RPAIN: variants seen among roughly 807,000 people sequenced by gnomAD.
RPAIN encodes the protein RPA-interacting protein.
In RPAIN, 29 loss-of-function variants were observed where a neutral mutation model predicts 30.5. The ratio of observed to expected loss-of-function variants is 0.95; its 90% confidence interval spans 0.71 to 1.30. The LOEUF (loss-of-function observed/expected upper bound fraction) is 1.30, where lower values mean the gene tolerates loss of function less well. Among genes scored for constraint, RPAIN ranks in the 50% most tolerant of loss-of-function variants. The pLI is 0.00. For missense variants in RPAIN, 247 were observed against 264.7 expected (o/e 0.93, Z 0.46); for synonymous variants, 101 against 93.5 (o/e 1.08, Z -0.46).
intron 3 of RPAIN, 152 bp downstream of exon 3, chr17:5,422,981 G>A (rs1321594730): frequency 3.3e-6 from 2 of 603,822 alleles, no homozygotes; most frequent in African/African-American, 1.9e-5. Context: ...CATCTTGGCT[G>A]TCTAGCTTCT....
At chr17:5,428,694 C>G in intron 6 of RPAIN, 2 of 961,204 alleles carry the variant, frequency 2.1e-6, no homozygotes, top group Non-Finnish European at 2.6e-6. Flanking sequence ...GGTAAGGGAA[C>G]CACCTGTCTT....
At chr17:5,432,476 C>G in intron 6 of RPAIN, 66 bp from the exon 7 acceptor site, 1 of 1,450,360 alleles carries the variant, frequency 6.9e-7, no homozygotes, top group Non-Finnish European at 9.7e-7. Context: ...TTGATTACAA[C>G]TTTTATCAGA....
intron 5 of RPAIN, 165 bp downstream of exon 5, chr17:5,426,464 A>G: frequency 1.5e-6 from 1 of 675,930 alleles, no homozygotes; most frequent in Admixed American, 2.2e-5. Flanking sequence ...GAGAATATCT[A>G]TGGCATGAAA....
chr17:5,426,602 A>G (rs1915416357), intron 5 of RPAIN: 1 of 285,854 alleles, frequency 3.5e-6, no homozygotes, highest in Non-Finnish European at 6.6e-6. Flanking sequence ...TTTTCTATAT[A>G]TGAAGACATA....
intron 6 of RPAIN, chr17:5,429,249 G>A (rs1249809067): frequency 1.0e-6 from 1 of 985,070 alleles, no homozygotes; most frequent in Non-Finnish European, 1.2e-6. Context: ...CATTTAACTT[G>A]GCCTTGAAGC....
rs1050390 is a variant in RPAIN, at chr17:5,432,738, G to A, written c.*167G>A. The stretch of plus-strand genomic sequence containing the variant: ...ACATCTGTTCTTGGTCTTTTGTGAC[G>A]CAGGTTGAAGGGGGAGGAATAGAAA... On this transcript the variant is annotated 3_prime_UTR_variant, in exon 7 of 7. Transcript: ENST00000381209. 0.26 allele frequency: 204,830 copies of A among 781,662 alleles called. 35,346 individuals carry two copies. Among genetic ancestry groups the A allele is most frequent in the East Asian group, 0.79 (29,266 of 36,862 alleles). The allele number at this position is 781,662 out of a possible 1,614,324, so 48.4% of individuals were successfully genotyped here. A position where few individuals can be genotyped will look rare whatever the true frequency, so the allele number is the denominator to read the frequency against.
At chr17:5,421,035 G>T (rs904392828) in intron 1 of RPAIN, among the ~76,000 whole-genome samples, 2 of 152,188 alleles carry the variant, frequency 1.3e-5, no homozygotes, top group African/African-American at 4.8e-5. Context: ...TAGGACATTG[G>T]ATGCTGAGAT....
chr17:5,422,704 A>AT, intron 2 of RPAIN, 65 bp from the exon 3 acceptor site: 1 of 1,476,550 alleles, frequency 6.8e-7, no homozygotes, highest in East Asian at 2.3e-5. Flanking sequence ...CCAAGTATGA[A>AT]TCACTGTGGG....
intron 3 of RPAIN, chr17:5,425,632 G>A (rs1380704304): frequency 3.0e-5 from 11 of 363,576 alleles, no homozygotes; most frequent in South Asian, 2.1e-4. Flanking sequence ...CACCGTGCCC[G>A]GCCAGCAATC....
intron 5 of RPAIN, chr17:5,427,786 G>A (rs1207058809): frequency 4.5e-6 from 2 of 445,244 alleles, no homozygotes; most frequent in Non-Finnish European, 4.1e-6. Context: ...AGAGGCAGAG[G>A]GAGGCTGGAA....
intron 5 of RPAIN, 148 bp from the exon 6 acceptor site, chr17:5,427,923 A>G: frequency 1.4e-6 from 1 of 736,022 alleles, no homozygotes; most frequent in Non-Finnish European, 2.4e-6. Context: ...AGATCTTGGT[A>G]CAGTCATGGG....
chr17:5,431,215 T>G, intron 6 of RPAIN: 1 of 339,804 alleles, frequency 2.9e-6, no homozygotes, highest in Non-Finnish European at 5.7e-6. Flanking sequence ...AGCCAGGCAC[T>G]GTGGTTCACA....
intron 6 of RPAIN, chr17:5,431,227 C>A (rs1335842890): frequency 8.5e-6 from 3 of 351,374 alleles, no homozygotes; most frequent in East Asian, 1.6e-4. Context: ...TGGTTCACAC[C>A]TGTAACCCCA....
At chr17:5,424,750 C>T (rs1368775712) in intron 3 of RPAIN, among the ~76,000 whole-genome samples, 1 of 152,212 alleles carries the variant, frequency 6.6e-6, no homozygotes, top group Non-Finnish European at 1.5e-5. Context: ...TAGCATTTGA[C>T]ACATAAGTGC....
chr17:5,421,267 T>G (rs199668665), intron 1 of RPAIN, 29 bp from the exon 2 acceptor site: 1 of 1,486,610 alleles, frequency 6.7e-7, no homozygotes, highest in Non-Finnish European at 9.0e-7. Context: ...GCTTTTTTTT[T>G]CCCCCCCAAT....
At chr17:5,431,418 C>A (rs1050897788) in intron 6 of RPAIN, 4 of 441,276 alleles carry the variant, frequency 9.1e-6, no homozygotes, top group African/African-American at 6.6e-5. Flanking sequence ...GCTCAGGAGG[C>A]AGAGGTTGCA....
chr17:5,427,828 C>A, intron 5 of RPAIN: 1 of 524,370 alleles, frequency 1.9e-6, no homozygotes, highest in Non-Finnish European at 3.4e-6. Context: ...GTTCTTCCTG[C>A]CATGAGTGGC....
At chr17:5,432,056 CGGGAGGCAGTTT>C in intron 6 of RPAIN, 2 of 214,562 alleles carry the variant, frequency 9.3e-6, no homozygotes, top group Non-Finnish European at 1.9e-5. Flanking sequence ...ACCCAGGAGT[CGGGAGGCAGTTT>C]TACACTCAGG....
chr17:5,431,420 G>A lies in RPAIN; in HGVS notation c.631-1122G>A, dbSNP rs796284168. ...GAGGATGGCTTGAGCTCAGGAGGCA[G>A]AGGTTGCAGTGAGCTGAGAGGGCGC... On this transcript the variant is annotated intron_variant, in intron 6 of 6. Transcript: ENST00000381209. The A allele has an allele frequency of 1.8e-5, 8 of 449,708 alleles. No individual in the cohort carries two copies. In the East Asian group the frequency reaches 3.7e-4, roughly 21 times the overall value. 27.9% of individuals were successfully genotyped at this position (449,708 alleles called of 1,614,324 possible).
Sources: gnomAD v4.1 joint callset for allele counts (sites outside exome capture counted in the v4.1 genomes callset) on GRCh38, gnomAD v4.1.1 for gene constraint, MANE v1.5 for transcripts, NCBI Gene and HGNC (gene_info 2026-07-23, HGNC 2026-07-21) for gene names.